The following C18orf63 variants were observed in gnomAD, a reference collection of about 807,000 sequenced individuals.
C18orf63 encodes the protein uncharacterized protein C18orf63.
In C18orf63, 50 loss-of-function variants were observed where a neutral mutation model predicts 75.3. The observed-to-expected ratio is 0.66, with a 90% CI of 0.53 to 0.84. C18orf63 has a LOEUF of 0.84. C18orf63 is among the 40% of genes least tolerant of loss of function. The probability of loss-of-function intolerance (pLI) is 0.00; values close to 1 mark genes in which losing one functional copy is unlikely to be tolerated. For synonymous variants in C18orf63, 232 were observed against 267.6 expected, an observed-to-expected ratio of 0.87 and a Z score of 1.30; for missense variants, 732 against 800.2, an observed-to-expected ratio of 0.91 and a Z score of 1.03.
chr18:74,334,500 T>C (rs1388232819), intron 7 of C18orf63, among the ~76,000 whole-genome samples: 2 of 152,178 alleles, frequency 1.3e-5, no homozygotes, highest in Non-Finnish European at 2.9e-5. Context: ...GAAACTAAGC[T>C]GTCTGGGAAT....
chr18:74,351,457 C>A (rs1984665315), intron 11 of C18orf63, among the ~76,000 whole-genome samples: 1 of 152,092 alleles, frequency 6.6e-6, no homozygotes, highest in Non-Finnish European at 1.5e-5. Context: ...GACATTTGTT[C>A]TTGGAACCCA....
chr18:74,352,994 A>G (rs1233131593), intron 11 of C18orf63, among the ~76,000 whole-genome samples: 1 of 152,100 alleles, frequency 6.6e-6, no homozygotes, highest in African/African-American at 2.4e-5. Context: ...TTTATGGTAG[A>G]TTTATATGAA....
chr18:74,354,077 G>A lies in C18orf63; in HGVS notation c.1810G>A (p.Glu604Lys), dbSNP rs552369287. The change falls in exon 12 of 14, where the codon GAA becomes AAA. Residue 604 changes from glutamate (E) to lysine (K), a missense_variant. Transcript: ENST00000579455. ...CATTTTTGAATCAGATGGAGAAACC[G>A]AAGATCCACGACTGCTACAGCAGCA... Reference protein sequence around the residue: ...PHIFESDGETEDPRLLQQQSE... With the variant: ...PHIFESDGETKDPRLLQQQSE... 3.0e-5 allele frequency: 46 copies of A among 1,536,154 alleles called. No individual in the cohort carries two copies. In the African/African-American group the frequency reaches 4.9e-4, roughly 16 times the overall value.
At chr18:74,322,657 A>G (rs1028931011) in intron 3 of C18orf63, 41 bp from the exon 4 acceptor site, 1 of 686,774 alleles carries the variant, frequency 1.5e-6, no homozygotes, top group Non-Finnish European at 2.3e-6. Flanking sequence ...TTATATATAT[A>G]TATGTTAAGT....
intron 11 of C18orf63, among the ~76,000 whole-genome samples, chr18:74,349,398 C>G (rs1223216238): frequency 6.6e-6 from 1 of 152,138 alleles, no homozygotes; most frequent in Admixed American, 6.5e-5. Flanking sequence ...CTAGTATGCT[C>G]TATAGCAGGG....
chr18:74,352,834 A>C (rs1441851209), intron 11 of C18orf63, among the ~76,000 whole-genome samples: 1 of 152,158 alleles, frequency 6.6e-6, no homozygotes, highest in Non-Finnish European at 1.5e-5. Flanking sequence ...AGATCCTTGG[A>C]GAGTTGACAG....
chr18:74,356,193 G>A (rs1404615277), intron 13 of C18orf63, among the ~76,000 whole-genome samples: 1 of 152,310 alleles, frequency 6.6e-6, no homozygotes, highest in South Asian at 2.1e-4. Flanking sequence ...TAGGGGTAAA[G>A]TCAGGGCTTT....
At chr18:74,327,569 G>A (rs1984229713) in intron 4 of C18orf63, among the ~76,000 whole-genome samples, 1 of 152,126 alleles carries the variant, frequency 6.6e-6, no homozygotes, top group Non-Finnish European at 1.5e-5. Flanking sequence ...GTTCAGTTTG[G>A]TCCAGGAACA....
At chr18:74,345,027 T>G (rs1984549870) in intron 11 of C18orf63, among the ~76,000 whole-genome samples, 1 of 152,134 alleles carries the variant, frequency 6.6e-6, no homozygotes, top group Non-Finnish European at 1.5e-5. Context: ...TAGGAGAATT[T>G]ATGCTGCTTC....
intron 11 of C18orf63, among the ~76,000 whole-genome samples, chr18:74,345,885 T>A (rs1205471945): frequency 6.6e-6 from 1 of 152,008 alleles, no homozygotes; most frequent in African/African-American, 2.4e-5. Flanking sequence ...TGATAAAGCA[T>A]CTTATCTATT....
intron 6 of C18orf63, 136 bp from the exon 7 acceptor site, chr18:74,330,730 G>T: frequency 2.2e-6 from 1 of 456,030 alleles, no homozygotes; most frequent in Non-Finnish European, 3.8e-6. Context: ...GTTATTATTT[G>T]AATTTTACCA....
chr18:74,336,265 T>C lies in C18orf63; in HGVS notation c.502-2450T>C, dbSNP rs529006403. On this transcript the variant is annotated intron_variant, in intron 7 of 13. Coordinates refer to ENST00000579455, the MANE Select transcript of C18orf63 (RefSeq NM_001174123.2). Reference sequence around the variant, plus strand: ...TTTTGGTTCAAATTTGTATGTCCCATAGAGCCTTACAGAAATAGAAACCTA... The same window carrying C: ...TTTTGGTTCAAATTTGTATGTCCCACAGAGCCTTACAGAAATAGAAACCTA... Among the ~76,000 whole-genome samples the C allele has an allele frequency of 5.9e-5, 9 of 152,082 alleles. No individual in the cohort carries two copies. The South Asian group carries it at 6.2e-4, about 11-fold the overall frequency.
Position 74,353,821 on chromosome 18 carries a change from T to C in C18orf63, c.1554T>C (p.Ser518=), listed in dbSNP as rs112224588. The change falls in exon 12 of 14, where the codon TCT becomes TCC. Residue 518 remains serine (S), a synonymous_variant. Coordinates refer to ENST00000579455, the MANE Select transcript of C18orf63 (RefSeq NM_001174123.2). ...SRPLQEKNTE[S]SENMTKFPSS... is the part of the protein sequence containing the mutation. ...CTCTGCAAGAAAAAAATACAGAGTCTTCTGAAAATATGACAAAATTTCCCT... is the reference window on the plus strand; with the variant it reads ...CTCTGCAAGAAAAAAATACAGAGTCCTCTGAAAATATGACAAAATTTCCCT... 24 of 1,536,006 alleles carry C rather than the reference T, an allele frequency of 1.6e-5. No individual in the cohort carries two copies. The African/African-American group carries it at 1.8e-4, about 11-fold the overall frequency.
intron 4 of C18orf63, among the ~76,000 whole-genome samples, chr18:74,326,884 G>A (rs1984217359): frequency 6.6e-6 from 1 of 151,830 alleles, no homozygotes; most frequent in Non-Finnish European, 1.5e-5. Context: ...TCTTGGTTGC[G>A]TGTGCCCATG....
intron 7 of C18orf63, among the ~76,000 whole-genome samples, chr18:74,337,668 T>C (rs1268981002): frequency 6.6e-6 from 1 of 152,174 alleles, no homozygotes; most frequent in Admixed American, 6.5e-5. Flanking sequence ...TTATCTCTTG[T>C]GCACAGGAAA....
Position 74,353,951 on chromosome 18 carries a change from G to A in C18orf63, c.1684G>A (p.Val562Ile), listed in dbSNP as rs1984717771. 1 of 1,536,100 alleles carries A rather than the reference G, an allele frequency of 6.5e-7. No individual in the cohort carries two copies. Among genetic ancestry groups the A allele is most frequent in the Admixed American group, 2.0e-5 (1 of 50,976 alleles). ...CAATTTAGGGGTGGTAAAAAGTGCT[G>A]TTGACTTCCAAATGAAAGGAAAAGA... ...NNNLGVVKSA[V>I]DFQMKGKENL... The change falls in exon 12 of 14, where the codon GTT becomes ATT. Residue 562 changes from valine to isoleucine, a missense_variant. By Grantham distance (29) the Val-to-Ile change is conservative (BLOSUM62 3). Around this residue, in one of 3 missense-constraint regions of C18orf63, gnomAD observed 495 missense variants for 508.7 expected, o/e 0.97. Coordinates refer to ENST00000579455, the MANE Select transcript of C18orf63 (RefSeq NM_001174123.2).
chr18:74,331,629 A>G (rs970590574), intron 7 of C18orf63, among the ~76,000 whole-genome samples: 3 of 152,160 alleles, frequency 2.0e-5, no homozygotes, highest in Admixed American at 1.3e-4. Context: ...CAGAGAAGGG[A>G]TGCTAATGAA....
chr18:74,345,233 G>GT (rs376016613), intron 11 of C18orf63, among the ~76,000 whole-genome samples: 8 of 151,370 alleles, frequency 5.3e-5, no homozygotes, highest in East Asian at 1.9e-4. Flanking sequence ...GTGTTTGTTT[G>GT]TTTTTTTATT....
chr18:74,351,226 T>A (rs1984661151), intron 11 of C18orf63, among the ~76,000 whole-genome samples: 1 of 152,022 alleles, frequency 6.6e-6, no homozygotes, highest in African/African-American at 2.4e-5. Context: ...GAAGGAGGAG[T>A]ATTGTCCTCT....
Sources: allele counts gnomAD v4.1 joint callset (sites outside exome capture counted in the v4.1 genomes callset), GRCh38; gene constraint gnomAD v4.1.1; regional missense constraint gnomAD v4.1.1; transcripts MANE v1.5; gene names NCBI Gene and HGNC (gene_info 2026-07-23, HGNC 2026-07-21).